The following ESRRG variants were observed in gnomAD, a reference collection of about 807,000 sequenced individuals.
ESRRG encodes estrogen-related receptor gamma.
ESRRG carries 13 observed loss-of-function variants against 44.0 expected under a neutral mutation model. The ratio of observed to expected loss-of-function variants is 0.30; its 90% CI spans 0.19 to 0.47. The LOEUF (loss-of-function observed/expected upper bound fraction) is 0.47. Ranked by LOEUF, ESRRG falls within the 20% of genes least tolerant of loss-of-function variation. The pLI is 1.00. For synonymous variants in ESRRG, 215 were observed against 214.6 expected (o/e 1.00, Z -0.02); for missense variants, 395 against 580.6 (o/e 0.68, Z 3.29).
chr1:216,531,115 T>C (rs1389206137), intron 5 of ESRRG, among the ~76,000 whole-genome samples: 1 of 152,190 alleles, frequency 6.6e-6, no homozygotes, highest in Non-Finnish European at 1.5e-5. Flanking sequence ...GTGCCATATG[T>C]ATTCATGAAA....
intron 3 of ESRRG, among the ~76,000 whole-genome samples, chr1:216,619,586 A>G (rs1364142414): frequency 6.6e-6 from 1 of 152,204 alleles, no homozygotes. Flanking sequence ...ACTAAGCTAC[A>G]AATATTGTTA....
chr1:217,111,341 C>T (rs568722373), intron 1 of ESRRG, among the ~76,000 whole-genome samples: 1 of 152,184 alleles, frequency 6.6e-6, no homozygotes, highest in African/African-American at 2.4e-5. Flanking sequence ...CCCAGCTCAC[C>T]CAAACAAAAG....
chr1:216,917,345 G>C (rs896688181), intron 2 of ESRRG, among the ~76,000 whole-genome samples: 1 of 151,994 alleles, frequency 6.6e-6, no homozygotes, highest in Admixed American at 6.6e-5. Flanking sequence ...GAGTATAAAA[G>C]ACATGGTTCA....
intron 1 of ESRRG, among the ~76,000 whole-genome samples, chr1:216,705,009 A>G (rs1182034879): frequency 1.3e-5 from 2 of 152,226 alleles, no homozygotes; most frequent in Non-Finnish European, 2.9e-5. Context: ...AAAAGATACC[A>G]GTAAGTCTTT....
At chr1:216,872,932 G>A (rs1177470452) in intron 2 of ESRRG, among the ~76,000 whole-genome samples, 1 of 152,108 alleles carries the variant, frequency 6.6e-6, no homozygotes, top group East Asian at 1.9e-4. Flanking sequence ...AACTCTTATG[G>A]AATATGTGAT....
chr1:216,574,780 C>T (rs1163884814), intron 3 of ESRRG, among the ~76,000 whole-genome samples: 2 of 152,022 alleles, frequency 1.3e-5, no homozygotes, highest in Non-Finnish European at 2.9e-5. Context: ...TGTTATCAAA[C>T]ATAGATTGCA....
intron 1 of ESRRG, among the ~76,000 whole-genome samples, chr1:217,031,867 G>A (rs1308428406): frequency 6.6e-6 from 1 of 152,180 alleles, no homozygotes; most frequent in Non-Finnish European, 1.5e-5. Context: ...ATGATTGGAA[G>A]TTTCCTGAAG....
At chr1:216,734,745 G>GT (rs1484645615) in intron 2 of ESRRG, among the ~76,000 whole-genome samples, 1 of 151,952 alleles carries the variant, frequency 6.6e-6, no homozygotes, top group East Asian at 1.9e-4. Flanking sequence ...GAGTTTCAAT[G>GT]TTTCTTTGAA....
At chr1:216,893,398 T>C (rs2058045347) in intron 2 of ESRRG, among the ~76,000 whole-genome samples, 4 of 152,176 alleles carry the variant, frequency 2.6e-5, no homozygotes, top group South Asian at 2.1e-4. Flanking sequence ...TCTAATGTAG[T>C]GCCAGGGCCC....
At chr1:217,044,534 T>G (rs1410136528) in intron 1 of ESRRG, among the ~76,000 whole-genome samples, 11 of 152,192 alleles carry the variant, frequency 7.2e-5, no homozygotes, top group Non-Finnish European at 1.0e-4. Flanking sequence ...AAACCTAATC[T>G]GTACACCTTC....
chr1:216,955,725 G>C (rs2067835459), intron 1 of ESRRG, among the ~76,000 whole-genome samples: 1 of 151,918 alleles, frequency 6.6e-6, no homozygotes, highest in African/African-American at 2.4e-5. Context: ...TTGTCTTTTT[G>C]GTAATAGCCA....
intron 1 of ESRRG, among the ~76,000 whole-genome samples, chr1:216,991,599 CATGGGATGGGATGGGATAGG>C (rs1223554566): frequency 0.02 from 2,252 of 111,024 alleles, 88 homozygotes; most frequent in Admixed American, 0.041. Flanking sequence ...GATGGGATAG[CATGGGATGGGATGGGATAGG>C]ATGGGATGGG....
intron 1 of ESRRG, among the ~76,000 whole-genome samples, chr1:217,045,679 C>T (rs545927770): frequency 6.6e-6 from 1 of 152,046 alleles, no homozygotes; most frequent in African/African-American, 2.4e-5. Context: ...CCATGTTAAC[C>T]GGGCTTTTCC....
chr1:216,840,774 C>T (rs937892050), intron 2 of ESRRG, among the ~76,000 whole-genome samples: 1 of 152,102 alleles, frequency 6.6e-6, no homozygotes, highest in African/African-American at 2.4e-5. Context: ...GGAAACAGTG[C>T]ATTGGTGGAG....
chr1:216,714,595 A>T (rs2084395194), intron 1 of ESRRG: 1 of 973,368 alleles, frequency 1.0e-6, no homozygotes, highest in Non-Finnish European at 1.2e-6. Flanking sequence ...TCCAATCATT[A>T]AAACCCTCAT....
At chr1:216,738,099 T>C (rs1443353880) in intron 2 of ESRRG, among the ~76,000 whole-genome samples, 1 of 151,730 alleles carries the variant, frequency 6.6e-6, no homozygotes, top group Non-Finnish European at 1.5e-5. Flanking sequence ...GGAGACTTTT[T>C]AAAAGTACAG....
At chr1:216,696,905 C>A (rs2080270932) in intron 1 of ESRRG, among the ~76,000 whole-genome samples, 1 of 151,990 alleles carries the variant, frequency 6.6e-6, no homozygotes, top group Non-Finnish European at 1.5e-5. Flanking sequence ...GGTATCAAAT[C>A]TTTTGAAAAG....
intron 2 of ESRRG, among the ~76,000 whole-genome samples, chr1:216,806,171 C>T (rs546799826): frequency 1.3e-5 from 2 of 152,286 alleles, no homozygotes; most frequent in South Asian, 2.1e-4. Flanking sequence ...TGCTAAAGGC[C>T]GCAGCCTTTG....
chr1:216,958,039 C>T (rs1197120588), intron 1 of ESRRG, among the ~76,000 whole-genome samples: 1 of 17,834 alleles, frequency 5.6e-5, no homozygotes, highest in African/African-American at 8.4e-5. Context: ...ATAGTACGCA[C>T]CACCATGTGT....
Sources: gnomAD v4.1 joint callset for allele counts (sites outside exome capture counted in the v4.1 genomes callset) on GRCh38, gnomAD v4.1.1 for gene constraint, MANE v1.5 for transcripts, NCBI Gene and HGNC (gene_info 2026-07-23, HGNC 2026-07-21) for gene names.